CNTN3: variants seen among roughly 807,000 people sequenced by gnomAD.
CNTN3 encodes the protein contactin-3.
A neutral mutation model predicts 119.1 loss-of-function variants in CNTN3; 60 were observed. The observed-to-expected ratio is 0.50, with a 90% CI of 0.41 to 0.62. The LOEUF is 0.62. Among genes scored for constraint, CNTN3 ranks in the 20% least tolerant of loss-of-function variants. CNTN3 has a pLI of 0.00. For missense variants in CNTN3, 1,101 were observed against 1,242.4 expected (o/e 0.89, Z 1.71); for synonymous variants, 450 against 438.7 (o/e 1.03, Z -0.32).
intron 4 of CNTN3, among the ~76,000 whole-genome samples, chr3:74,477,458 T>C (rs1702678810): frequency 6.6e-6 from 1 of 152,080 alleles, no homozygotes; most frequent in South Asian, 2.1e-4. Context: ...AAGATACAGA[T>C]CCTGACATCA....
intron 5 of CNTN3, among the ~76,000 whole-genome samples, chr3:74,413,970 C>T (rs959708070): frequency 6.6e-6 from 1 of 152,120 alleles, no homozygotes; most frequent in Non-Finnish European, 1.5e-5. Flanking sequence ...ATCCAAACTA[C>T]TCTGGGGTGA....
chr3:74,392,482 A>G (rs1419403583), intron 5 of CNTN3, among the ~76,000 whole-genome samples: 2 of 152,212 alleles, frequency 1.3e-5, no homozygotes, highest in African/African-American at 4.8e-5. Context: ...GCTTTAGAAC[A>G]TCATAAAAGA....
rs150758544 is a variant in CNTN3 at position 74,461,289 on chromosome 3, C to G, written c.358+25167G>C. On this transcript the variant is annotated intron_variant, in intron 4 of 22. Coordinates refer to ENST00000263665, the MANE Select transcript of CNTN3 (RefSeq NM_020872.3). ...TTTAAAAATCTGTAGCAGTTTTGCA[C>G]TCCTCCTCCTCTTCCTTTGTTCATG... Among the ~76,000 whole-genome samples the G allele has an allele frequency of 2.0e-5, 3 of 152,060 alleles. No homozygotes were observed. The East Asian group carries it at 5.8e-4, about 29-fold the overall frequency.
chr3:74,352,542 T>C (rs630135), intron 11 of CNTN3, among the ~76,000 whole-genome samples: 7,039 of 152,306 alleles, frequency 0.046, 195 homozygotes, highest in Middle Eastern at 0.061. Flanking sequence ...TCTATTCCAC[T>C]GTAATTGATG....
rs1417788455 is a variant in CNTN3 at position 74,280,070 on chromosome 3, T to G, written c.2704+5235A>C. 2.0e-5 allele frequency among the ~76,000 whole-genome samples: 3 copies of G among 152,292 alleles called. No homozygotes were observed. The South Asian group carries it at 6.2e-4, about 32-fold the overall frequency. ...TTTGAGGGGATGGATACTTCATTCT[T>G]CCTGATGTGCTTATTTCACATTGCA... is the stretch of plus-strand genomic sequence containing the variant. On this transcript the variant is annotated intron_variant, in intron 20 of 22. Transcript: ENST00000263665.
chr3:74,507,948 T>G (rs1370336366), intron 2 of CNTN3, among the ~76,000 whole-genome samples: 1 of 152,066 alleles, frequency 6.6e-6, no homozygotes, highest in Non-Finnish European at 1.5e-5. Context: ...TTTCTTTTCT[T>G]AAGTGAGGAT....
chr3:74,588,402 C>T (rs138497390), intron 1 of CNTN3, among the ~76,000 whole-genome samples: 22,399 of 151,722 alleles, frequency 0.15, 3,679 homozygotes, highest in African/African-American at 0.4. Context: ...GTACAAGGGA[C>T]GTGAAGGACC....
At chr3:74,483,742 A>C (rs1202167166) in intron 4 of CNTN3, among the ~76,000 whole-genome samples, 1 of 152,090 alleles carries the variant, frequency 6.6e-6, no homozygotes, top group Non-Finnish European at 1.5e-5. Context: ...TAAAGTCCTT[A>C]GTCACTGACC....
chr3:74,385,223 C>G (rs1316552236), intron 5 of CNTN3, among the ~76,000 whole-genome samples: 1 of 152,182 alleles, frequency 6.6e-6, no homozygotes, highest in Non-Finnish European at 1.5e-5. Flanking sequence ...GCAATGAGAA[C>G]AGTCTTAGGA....
chr3:74,396,677 C>T (rs1431656325), intron 5 of CNTN3, among the ~76,000 whole-genome samples: 1 of 138,134 alleles, frequency 7.2e-6, no homozygotes, highest in Non-Finnish European at 1.5e-5. Context: ...ACCCGGGAGG[C>T]GGAGCTTGCA....
intron 5 of CNTN3, among the ~76,000 whole-genome samples, chr3:74,373,932 T>A (rs527830730): frequency 2.0e-5 from 3 of 152,062 alleles, no homozygotes; most frequent in African/African-American, 7.2e-5. Flanking sequence ...ACATGGAGGT[T>A]CCCCCTTAGG....
chr3:74,603,267 G>C (rs1483552620), intron 1 of CNTN3, among the ~76,000 whole-genome samples: 3 of 152,148 alleles, frequency 2.0e-5, no homozygotes, highest in African/African-American at 7.2e-5. Context: ...AAGGCAAAGG[G>C]AAATTCCCAG....
At chr3:74,587,950 T>C (rs1329341927) in intron 1 of CNTN3, among the ~76,000 whole-genome samples, 1 of 152,164 alleles carries the variant, frequency 6.6e-6, no homozygotes, top group Non-Finnish European at 1.5e-5. Context: ...ATAGCTCTTA[T>C]TATTTTGAGA....
chr3:74,555,028 A>G (rs1704048237), intron 1 of CNTN3, among the ~76,000 whole-genome samples: 1 of 152,188 alleles, frequency 6.6e-6, no homozygotes, highest in Non-Finnish European at 1.5e-5. Flanking sequence ...TTGCCCATCC[A>G]GTATGATACT....
chr3:74,336,436 G>A (rs1325887600), intron 12 of CNTN3, 95 bp downstream of exon 12: 9 of 1,315,100 alleles, frequency 6.8e-6, no homozygotes, highest in Non-Finnish European at 7.5e-6. Context: ...CCTTCATAGT[G>A]TACTGAACAT....
At position 74,364,536 on chromosome 3, in the gene CNTN3, C is replaced by T. The variant is rs763145383; in HGVS notation, c.1144G>A (p.Gly382Ser). Residue 382 changes from glycine (G) to serine (S), a missense_variant, in exon 10 of 23, where the codon GGC (glycine) becomes AGC (serine). Coordinates refer to ENST00000263665, the MANE Select transcript of CNTN3 (RefSeq NM_020872.3). The part of the protein sequence containing the change: ...TISNLSVTDS[G>S]MFQCIAENKH... ...TTTTCTGCTATGCATTGGAACATGC[C>T]AGAATCAGTCACACTTAGGTTTGAT... 6.2e-7 allele frequency: 1 copy of T among 1,612,078 alleles called. No homozygotes were observed. Among genetic ancestry groups the T allele is most frequent in the East Asian group, 2.2e-5 (1 of 44,788 alleles).
rs1445759276 is a variant in CNTN3, at chr3:74,263,010, A to G, written c.*1391T>C. 2.0e-5 allele frequency: 3 copies of G among 152,122 alleles called. No individual in the cohort carries two copies. Among genetic ancestry groups the G allele is most frequent in the Admixed American group, 6.6e-5 (1 of 15,258 alleles). The allele number at this position is 152,122 out of a possible 1,614,324, so 9.4% of individuals were successfully genotyped here. A position where few individuals can be genotyped will look rare whatever the true frequency, so the allele number is the denominator to read the frequency against. On this transcript the variant is annotated 3_prime_UTR_variant, in exon 23 of 23. Transcript: ENST00000263665. ...TTTATGGTGATATCAGAATTTCCCT[A>G]ATTTTTAATCTTTCTTGTTATCTGA...
chr3:74,520,947 T>G, intron 2 of CNTN3, 111 bp downstream of exon 2: 1 of 526,870 alleles, frequency 1.9e-6, no homozygotes, highest in Non-Finnish European at 3.3e-6. Context: ...GAAAAACATT[T>G]GTTTTTCTTT....
chr3:74,525,300 A>C (rs1160321220), intron 1 of CNTN3, among the ~76,000 whole-genome samples: 1 of 151,894 alleles, frequency 6.6e-6, no homozygotes, highest in East Asian at 1.9e-4. Context: ...ATACACTGTA[A>C]AAGGTTTGAA....
Sources: allele counts gnomAD v4.1 joint callset (sites outside exome capture counted in the v4.1 genomes callset), GRCh38; gene constraint gnomAD v4.1.1; transcripts MANE v1.5; gene names NCBI Gene and HGNC (gene_info 2026-07-23, HGNC 2026-07-21).